The following STMN2 variants were observed in gnomAD, a reference collection of about 807,000 sequenced individuals.
STMN2 encodes the protein stathmin 2.
STMN2 carries 2 observed loss-of-function variants against 24.1 expected under a neutral mutation model. The observed-to-expected ratio is 0.08, with a 90% CI of 0.03 to 0.26. The LOEUF (loss-of-function observed/expected upper bound fraction) is 0.26. STMN2 is among the 10% of genes least tolerant of loss of function. The pLI is 1.00. For synonymous variants in STMN2, 83 were observed against 77.5 expected (o/e 1.07, Z -0.37); for missense variants, 114 against 213.6 (o/e 0.53, Z 2.91).
chr8:79,636,667 A>T, intron 1 of STMN2, 135 bp from the exon 2 acceptor site: 2 of 748,886 alleles, frequency 2.7e-6, no homozygotes, highest in Non-Finnish European at 4.4e-6. Flanking sequence ...CTTTATATTT[A>T]GTGAAAGAAT....
chr8:79,660,762 T>C (rs1806484610), intron 4 of STMN2, among the ~76,000 whole-genome samples: 1 of 152,106 alleles, frequency 6.6e-6, no homozygotes, highest in Non-Finnish European at 1.5e-5. Flanking sequence ...CCAAGCAGTG[T>C]ACACTGTACC....
chr8:79,639,304 G>A (rs979410280), intron 2 of STMN2, among the ~76,000 whole-genome samples: 2 of 152,176 alleles, frequency 1.3e-5, no homozygotes, highest in South Asian at 4.1e-4. Flanking sequence ...TAGCCTGGGG[G>A]AACAACTTGA....
At chr8:79,629,592 A>C (rs1399790864) in intron 1 of STMN2, among the ~76,000 whole-genome samples, 2 of 152,228 alleles carry the variant, frequency 1.3e-5, no homozygotes, top group East Asian at 3.8e-4. Context: ...ATTTCGTTGA[A>C]GGACACTGGA....
chr8:79,616,960 G>A (rs1358143504), intron 1 of STMN2, among the ~76,000 whole-genome samples: 5 of 152,146 alleles, frequency 3.3e-5, no homozygotes. Context: ...TTGTGGCACA[G>A]TTGACAAGGA....
At chr8:79,639,220 G>A (rs1271712113) in intron 2 of STMN2, among the ~76,000 whole-genome samples, 1 of 152,160 alleles carries the variant, frequency 6.6e-6, no homozygotes, top group Non-Finnish European at 1.5e-5. Flanking sequence ...AAATTAGAGA[G>A]CACTTAGAGG....
intron 3 of STMN2, among the ~76,000 whole-genome samples, chr8:79,643,150 T>TAC (rs1491489717): frequency 1.4e-4 from 3 of 21,938 alleles, no homozygotes; most frequent in Non-Finnish European, 3.0e-4. Flanking sequence ...TGTGTGTGTG[T>TAC]ATATATATAT....
At position 79,638,381 on chromosome 8, in the gene STMN2, C is replaced by A. The variant is rs138591342; in HGVS notation, c.115+1484C>A. Among the ~76,000 whole-genome samples the A allele has an allele frequency of 1.1e-4, 16 of 152,218 alleles. No homozygotes were observed. In the East Asian group the frequency reaches 2.7e-3, roughly 26 times the overall value. On this transcript the variant is annotated intron_variant, in intron 2 of 4. Transcript: ENST00000220876. The stretch of plus-strand genomic sequence containing the variant: ...GAAATAAGCTGTTTTTATTTGCCTG[C>A]GTTCTCTTATAATCCTTTTCCATAG...
At chr8:79,613,408 G>A (rs1325048237) in intron 1 of STMN2, 2 of 985,334 alleles carry the variant, frequency 2.0e-6, no homozygotes, top group African/African-American at 1.7e-5. Flanking sequence ...TCGCCCCCGC[G>A]GTGCAGCCGG....
At chr8:79,639,853 G>A (rs933575298) in intron 2 of STMN2, among the ~76,000 whole-genome samples, 4 of 152,160 alleles carry the variant, frequency 2.6e-5, no homozygotes, top group Non-Finnish European at 5.9e-5. Context: ...TACTCTTTCA[G>A]TGATTTTCAA....
chr8:79,664,969 G>T lies in STMN2; in HGVS notation c.*95G>T. ...TATCAGGATGGGGAATGTATGACAT[G>T]GTTTAAAAAGAACTCATTATAAAAA... On this transcript the variant is annotated 3_prime_UTR_variant, in exon 5 of 5. Coordinates refer to ENST00000220876, the MANE Select transcript of STMN2 (RefSeq NM_007029.4). 9.9e-7 allele frequency: 1 copy of T among 1,012,154 alleles called. No homozygotes were observed. The highest frequency in any genetic ancestry group is 1.3e-6 in the Non-Finnish European group (1 of 755,486). 62.7% of individuals were successfully genotyped at this position (1,012,154 alleles called of 1,614,324 possible). A position where few individuals can be genotyped will look rare whatever the true frequency, so the allele number is the denominator to read the frequency against.
chr8:79,613,323 C>G, intron 1 of STMN2: 1 of 951,386 alleles, frequency 1.1e-6, no homozygotes, highest in Non-Finnish European at 1.3e-6. Context: ...CACGTGGCGA[C>G]TGGGTGTGTG....
intron 1 of STMN2, among the ~76,000 whole-genome samples, chr8:79,618,123 C>T (rs1021690646): frequency 6.6e-6 from 1 of 152,212 alleles, no homozygotes; most frequent in Non-Finnish European, 1.5e-5. Flanking sequence ...TGTGATATCA[C>T]CATTTTATTT....
chr8:79,613,767 TG>T (rs1415788266), intron 1 of STMN2: 2 of 985,334 alleles, frequency 2.0e-6, no homozygotes, highest in African/African-American at 1.7e-5. Flanking sequence ...AAGGTAAATT[TG>T]TCTCCAGTTG....
chr8:79,664,045 G>A (rs1806552941), intron 4 of STMN2, among the ~76,000 whole-genome samples: 1 of 152,162 alleles, frequency 6.6e-6, no homozygotes, highest in Non-Finnish European at 1.5e-5. Flanking sequence ...TAATAGAGGA[G>A]ACAAGAACAG....
At chr8:79,642,640 G>A (rs1366061982) in intron 3 of STMN2, among the ~76,000 whole-genome samples, 3 of 151,990 alleles carry the variant, frequency 2.0e-5, no homozygotes, top group Non-Finnish European at 4.4e-5. Flanking sequence ...GAGAATGCAG[G>A]ACAAACACAG....
chr8:79,611,966 G>A (rs1258902445), intron 1 of STMN2, among the ~76,000 whole-genome samples: 1 of 151,980 alleles, frequency 6.6e-6, no homozygotes, highest in African/African-American at 2.4e-5. Context: ...AAGGCGCTGG[G>A]GTGGGGTTTC....
At chr8:79,634,467 G>A (rs529779232) in intron 1 of STMN2, among the ~76,000 whole-genome samples, 2 of 152,246 alleles carry the variant, frequency 1.3e-5, no homozygotes, top group South Asian at 2.1e-4. Context: ...AATAGTGAGG[G>A]GATTCTTTTA....
chr8:79,649,394 T>C (rs531170250), intron 3 of STMN2, among the ~76,000 whole-genome samples: 1 of 152,290 alleles, frequency 6.6e-6, no homozygotes, highest in South Asian at 2.1e-4. Context: ...CTAAAGGTCT[T>C]AGGATTTTAA....
intron 4 of STMN2, among the ~76,000 whole-genome samples, chr8:79,660,900 G>A (rs1177097081): frequency 1.3e-5 from 2 of 150,962 alleles, no homozygotes; most frequent in Admixed American, 6.6e-5. Context: ...ACATATGATA[G>A]TTAGTGCTCA....
Sources: gnomAD v4.1 joint callset for allele counts (sites outside exome capture counted in the v4.1 genomes callset) on GRCh38, gnomAD v4.1.1 for gene constraint, MANE v1.5 for transcripts, NCBI Gene and HGNC (gene_info 2026-07-23, HGNC 2026-07-21) for gene names.